Variants in ZNF385D observed in about 807,000 individuals in gnomAD.
ZNF385D encodes zinc finger protein 385D, also known as zinc finger protein 659.
A neutral mutation model predicts 35.8 loss-of-function variants in ZNF385D; 15 were observed. The observed-to-expected ratio is 0.42, with a 90% CI of 0.28 to 0.64. ZNF385D has a LOEUF of 0.64. Among genes scored for constraint, ZNF385D ranks in the 30% least tolerant of loss-of-function variants. The probability of loss-of-function intolerance (pLI) is 0.23; values close to 1 mark genes in which losing one functional copy is unlikely to be tolerated. For missense variants in ZNF385D, 474 were observed against 494.6 expected (o/e 0.96, Z 0.39); for synonymous variants, 212 against 186.8 (o/e 1.13, Z -1.10).
intron 2 of ZNF385D, among the ~76,000 whole-genome samples, chr3:22,311,611 C>T (rs1287960522): frequency 3.3e-5 from 5 of 151,918 alleles, no homozygotes; most frequent in South Asian, 4.1e-4. Flanking sequence ...GATGTAAACT[C>T]GAAAGAATTT....
chr3:21,890,016 C>A (rs1296945412), intron 3 of ZNF385D, among the ~76,000 whole-genome samples: 1 of 152,058 alleles, frequency 6.6e-6, no homozygotes, highest in Non-Finnish European at 1.5e-5. Flanking sequence ...TAGATGAGCC[C>A]ACCCTAGTGA....
At chr3:22,352,047 A>G (rs994390872) in intron 2 of ZNF385D, among the ~76,000 whole-genome samples, 20 of 152,178 alleles carry the variant, frequency 1.3e-4, no homozygotes, top group Admixed American at 6.5e-5. Flanking sequence ...TGAGCCAGCC[A>G]CAAACCTTTA....
intron 1 of ZNF385D, among the ~76,000 whole-genome samples, chr3:21,672,578 C>T (rs1256268847): frequency 6.6e-6 from 1 of 152,034 alleles, no homozygotes. Flanking sequence ...AAACATTTGC[C>T]CATGTCAATG....
intron 1 of ZNF385D, among the ~76,000 whole-genome samples, chr3:21,693,966 C>T (rs1242617457): frequency 6.7e-6 from 1 of 148,376 alleles, no homozygotes; most frequent in African/African-American, 2.5e-5. Context: ...GCAACCTCCA[C>T]CTCCCGGGTT....
rs943513164 is a variant in ZNF385D, at chr3:22,037,738, T to C, written c.325+131079A>G. 7.2e-5 allele frequency among the ~76,000 whole-genome samples: 11 copies of C among 152,292 alleles called. No individual in the cohort carries two copies. The South Asian group carries it at 2.3e-3, about 32-fold the overall frequency. On this transcript the variant is annotated intron_variant, in intron 3 of 5. Coordinates refer to the ZNF385D transcript ENST00000494108. ...TTAGATCCCATTTGTCAATTTTGGC[T>C]TTTGTTGTCATTGCTTTTGGTGTTT...
chr3:21,752,265 T>C (rs1277263384), upstream of ZNF385D, among the ~76,000 whole-genome samples: 1 of 152,114 alleles, frequency 6.6e-6, no homozygotes, highest in Non-Finnish European at 1.5e-5. Context: ...TGGGAACCAA[T>C]TTACGTACTG....
chr3:21,712,612 C>G (rs1050400684), intron 1 of ZNF385D, among the ~76,000 whole-genome samples: 3 of 152,046 alleles, frequency 2.0e-5, no homozygotes, highest in Non-Finnish European at 2.9e-5. Flanking sequence ...ATTTCACTGT[C>G]TATATATATT....
chr3:22,326,686 T>C (rs1447162434), intron 2 of ZNF385D, among the ~76,000 whole-genome samples: 1 of 152,114 alleles, frequency 6.6e-6, no homozygotes, highest in Non-Finnish European at 1.5e-5. Context: ...AAAATAAAAG[T>C]GAACATTTCT....
chr3:22,147,839 A>G (rs1704958654), intron 3 of ZNF385D, among the ~76,000 whole-genome samples: 1 of 152,180 alleles, frequency 6.6e-6, no homozygotes, highest in Non-Finnish European at 1.5e-5. Context: ...TTTGCTGCAG[A>G]AACTAGGAAA....
intron 3 of ZNF385D, among the ~76,000 whole-genome samples, chr3:21,880,081 G>A (rs1379786615): frequency 1.3e-5 from 2 of 151,922 alleles, no homozygotes; most frequent in Non-Finnish European, 2.9e-5. Flanking sequence ...TAAGCCAAAT[G>A]AAGTATTTCA....
At chr3:21,527,280 C>T (rs539313647) in intron 3 of ZNF385D, among the ~76,000 whole-genome samples, 1 of 152,252 alleles carries the variant, frequency 6.6e-6, no homozygotes, top group East Asian at 1.9e-4. Context: ...AACATTTCTT[C>T]ATTTGACGAA....
chr3:22,360,119 G>T (rs1405948581), intron 2 of ZNF385D, among the ~76,000 whole-genome samples: 1 of 151,856 alleles, frequency 6.6e-6, no homozygotes, highest in Non-Finnish European at 1.5e-5. Flanking sequence ...TGTTTTCTTG[G>T]AAAGTATTCA....
intron 2 of ZNF385D, among the ~76,000 whole-genome samples, chr3:21,592,148 A>G (rs998583609): frequency 2.0e-5 from 3 of 152,058 alleles, no homozygotes; most frequent in African/African-American, 7.2e-5. Flanking sequence ...TTCTGGCATA[A>G]TTTTTTCATA....
At chr3:21,785,110 G>C (rs2071635967) in intron 3 of ZNF385D, among the ~76,000 whole-genome samples, 1 of 152,040 alleles carries the variant, frequency 6.6e-6, no homozygotes, top group Non-Finnish European at 1.5e-5. Context: ...CGGGGAGGTT[G>C]GACTTGTGAA....
chr3:21,864,990 C>CTTT (rs3073906), intron 3 of ZNF385D, among the ~76,000 whole-genome samples: 15 of 112,158 alleles, frequency 1.3e-4, no homozygotes, highest in Admixed American at 3.1e-4. Context: ...TGGAACAATG[C>CTTT]TTTTTTTTTT....
At chr3:22,325,172 G>T (rs867657181) in intron 2 of ZNF385D, among the ~76,000 whole-genome samples, 1 of 152,164 alleles carries the variant, frequency 6.6e-6, no homozygotes, top group Non-Finnish European at 1.5e-5. Flanking sequence ...AGTAAAGGAA[G>T]TCCAGGTGTT....
intron 2 of ZNF385D, among the ~76,000 whole-genome samples, chr3:22,249,832 T>A (rs564125158): frequency 6.6e-6 from 1 of 152,156 alleles, no homozygotes; most frequent in Non-Finnish European, 1.5e-5. Flanking sequence ...AGAGTCCACC[T>A]GAAACAAGAG....
At chr3:22,042,821 G>A (rs973792625) in intron 3 of ZNF385D, among the ~76,000 whole-genome samples, 5 of 152,178 alleles carry the variant, frequency 3.3e-5, no homozygotes, top group East Asian at 1.9e-4. Context: ...TCTCATGCCT[G>A]ATCTCGACGT....
rs1479857110 is a variant in ZNF385D at position 21,931,615 on chromosome 3, C to T, written c.325+237202G>A. ...ACAAGAATATACCACGATATGGAAGCGTCCCCAACATACTATGCTATTGAG... is the reference window on the plus strand; with the variant it reads ...ACAAGAATATACCACGATATGGAAGTGTCCCCAACATACTATGCTATTGAG... On this transcript the variant is annotated intron_variant, in intron 3 of 5. Coordinates refer to the ZNF385D transcript ENST00000494108. 3.3e-5 allele frequency among the ~76,000 whole-genome samples: 5 copies of T among 152,174 alleles called. No homozygotes were observed. In the East Asian group the frequency reaches 7.7e-4, roughly 24 times the overall value.
Sources: gnomAD v4.1 joint callset for allele counts (sites outside exome capture counted in the v4.1 genomes callset) on GRCh38, gnomAD v4.1.1 for gene constraint, MANE v1.5 for transcripts, NCBI Gene and HGNC (gene_info 2026-07-23, HGNC 2026-07-21) for gene names.